KSR1: variants seen among roughly 807,000 people sequenced by gnomAD.
The protein encoded by KSR1 is kinase suppressor of ras 1.
Under a neutral mutation model 92.9 loss-of-function variants are expected in KSR1, and 35 were observed. The observed-to-expected ratio is 0.38, with a 90% CI of 0.29 to 0.50. KSR1 has a LOEUF of 0.50. Among genes scored for constraint, KSR1 ranks in the 20% least tolerant of loss-of-function variants. The pLI, the probability that KSR1 is intolerant of heterozygous loss-of-function variation, is 0.94. For missense variants in KSR1, 972 were observed against 1,158.5 expected, an observed-to-expected ratio of 0.84 and a Z score of 2.34; for synonymous variants, 467 against 472.6, an observed-to-expected ratio of 0.99 and a Z score of 0.15.
intron 1 of KSR1, among the ~76,000 whole-genome samples, chr17:27,482,424 C>A (rs539144688): frequency 2.6e-5 from 4 of 152,174 alleles, no homozygotes; most frequent in Non-Finnish European, 5.9e-5. Context: ...TGGGAACAAC[C>A]CATTGTTTAC....
At chr17:27,509,566 G>T (rs1215018441) in intron 1 of KSR1, among the ~76,000 whole-genome samples, 1 of 152,168 alleles carries the variant, frequency 6.6e-6, no homozygotes, top group South Asian at 2.1e-4. Flanking sequence ...TAGGATTACA[G>T]GCGTGAGCCA....
At chr17:27,588,584 C>T in intron 6 of KSR1, 49 bp downstream of exon 6, 4 of 1,506,396 alleles carry the variant, frequency 2.7e-6, no homozygotes, top group South Asian at 1.3e-5. Context: ...CGGGCTGGTA[C>T]CCAGATGGGG....
intron 1 of KSR1, among the ~76,000 whole-genome samples, chr17:27,534,410 A>G (rs910314324): frequency 8.5e-5 from 13 of 152,236 alleles, no homozygotes; most frequent in African/African-American, 2.4e-4. Context: ...ATGGCTGACA[A>G]TGAGTGTTAA....
At chr17:27,526,027 C>CT (rs1467256117) in intron 1 of KSR1, among the ~76,000 whole-genome samples, 1 of 100,244 alleles carries the variant, frequency 1.0e-5, no homozygotes, top group African/African-American at 5.4e-5. Flanking sequence ...CTTTTCTTTT[C>CT]TTTTCTTTTC....
intron 1 of KSR1, among the ~76,000 whole-genome samples, chr17:27,526,064 T>TTC (rs1297347029): frequency 2.4e-4 from 27 of 112,710 alleles, no homozygotes; most frequent in African/African-American, 5.1e-4. Context: ...CTCTCTCTCT[T>TTC]TCTTTCTCTT....
chr17:27,483,235 A>G lies in KSR1; in HGVS notation c.231+26361A>G, dbSNP rs567312663. Among the ~76,000 whole-genome samples the G allele has an allele frequency of 2.0e-5, 3 of 152,354 alleles. No homozygotes were observed. The South Asian group carries it at 6.2e-4, about 32-fold the overall frequency. ...TTGAAGTGAAATTATGTGCTCTTAA[A>G]AATAATCTAAAACCAGGAAAGAGCA... On this transcript the variant is annotated intron_variant, in intron 1 of 20. Coordinates refer to ENST00000644974, the MANE Select transcript of KSR1 (RefSeq NM_001394583.1).
intron 1 of KSR1, among the ~76,000 whole-genome samples, chr17:27,538,194 A>G (rs745722719): frequency 1.3e-5 from 2 of 152,232 alleles, no homozygotes; most frequent in Admixed American, 6.5e-5. Context: ...CGGACTTAAT[A>G]GAACTACTTT....
chr17:27,526,094 T>TTCTTTTTC (rs55706224), intron 1 of KSR1, among the ~76,000 whole-genome samples: 9 of 118,400 alleles, frequency 7.6e-5, no homozygotes, highest in Non-Finnish European at 1.5e-4. Flanking sequence ...CTTTCTTTCT[T>TTCTTTTTC]TCTCTCTCTC....
intron 9 of KSR1, among the ~76,000 whole-genome samples, chr17:27,594,092 C>T (rs1567866982): frequency 6.6e-6 from 1 of 152,158 alleles, no homozygotes; most frequent in Non-Finnish European, 1.5e-5. Context: ...ACAGCAGCTG[C>T]CCAGCCCTGG....
intron 18 of KSR1, 90 bp from the exon 19 acceptor site, chr17:27,617,205 C>T (rs2074086835): frequency 7.2e-7 from 1 of 1,393,298 alleles, no homozygotes; most frequent in Non-Finnish European, 9.5e-7. Flanking sequence ...CACTTGAGAA[C>T]ATCAAAGGGA....
chr17:27,611,742 C>A, intron 18 of KSR1, 113 bp downstream of exon 18: 7 of 1,214,186 alleles, frequency 5.8e-6, no homozygotes, highest in Non-Finnish European at 8.2e-6. Context: ...GGAGCTCTGC[C>A]ACCTGCACGT....
intron 4 of KSR1, among the ~76,000 whole-genome samples, chr17:27,583,591 C>T (rs552818107): frequency 6.6e-6 from 1 of 152,320 alleles, no homozygotes; most frequent in African/African-American, 2.4e-5. Context: ...CCAACCTGAA[C>T]AGGAGAATGA....
chr17:27,503,588 C>T (rs779816946), intron 1 of KSR1, among the ~76,000 whole-genome samples: 5 of 152,096 alleles, frequency 3.3e-5, no homozygotes, highest in Non-Finnish European at 7.3e-5. Flanking sequence ...TGCTTGTGGT[C>T]GTTGGTGCAG....
intron 1 of KSR1, among the ~76,000 whole-genome samples, chr17:27,549,985 C>G (rs748455354): frequency 4.6e-5 from 7 of 152,200 alleles, no homozygotes; most frequent in Non-Finnish European, 7.3e-5. Flanking sequence ...TCTCCCCAAA[C>G]CAGCAGGTCT....
chr17:27,482,451 C>T (rs1301019023), intron 1 of KSR1, among the ~76,000 whole-genome samples: 2 of 152,084 alleles, frequency 1.3e-5, no homozygotes, highest in Non-Finnish European at 2.9e-5. Flanking sequence ...AAGATGCTAG[C>T]TCAATAAAGT....
chr17:27,593,431 T>TAGCGTGTGCCCCCCCGATG (rs1197456652), intron 9 of KSR1, among the ~76,000 whole-genome samples: 4 of 151,980 alleles, frequency 2.6e-5, no homozygotes, highest in African/African-American at 9.6e-5. Flanking sequence ...ACCAGGGGCT[T>TAGCGTGTGCCCCCCCGATG]AGCGTGTGCC....
intron 5 of KSR1, 42 bp from the exon 6 acceptor site, chr17:27,588,433 G>T: frequency 6.5e-7 from 1 of 1,538,950 alleles, no homozygotes. Context: ...GCTGTCGCCT[G>T]CGGAGTTCCT....
At chr17:27,613,032 T>A (rs1382613733) in intron 18 of KSR1, 1 of 152,256 alleles carries the variant, frequency 6.6e-6, no homozygotes, top group Non-Finnish European at 1.5e-5. Flanking sequence ...GTATATGTCA[T>A]CTTGTTGAAG....
intron 1 of KSR1, among the ~76,000 whole-genome samples, chr17:27,546,931 C>T (rs1350720524): frequency 3.9e-5 from 6 of 152,152 alleles, no homozygotes; most frequent in African/African-American, 1.2e-4. Context: ...GTTTGATTAG[C>T]AGGGTCTGCT....
Sources: allele counts gnomAD v4.1 joint callset (sites outside exome capture counted in the v4.1 genomes callset), GRCh38; gene constraint gnomAD v4.1.1; transcripts MANE v1.5; gene names NCBI Gene and HGNC (gene_info 2026-07-23, HGNC 2026-07-21).